RBFOX3: variants seen among roughly 807,000 people sequenced by gnomAD.
RBFOX3 encodes the protein RNA binding protein fox-1 homolog 3.
RBFOX3 carries 17 observed loss-of-function variants against 48.7 expected under a neutral mutation model. The observed-to-expected ratio is 0.35, with a 90% CI of 0.24 to 0.52. The LOEUF is 0.52. RBFOX3 is among the 20% of genes least tolerant of loss of function. RBFOX3 has a pLI of 0.94. For synonymous variants in RBFOX3, 212 were observed against 209.5 expected (o/e 1.01, Z -0.10); for missense variants, 382 against 497.5 (o/e 0.77, Z 2.21).
intron 1 of RBFOX3, among the ~76,000 whole-genome samples, chr17:79,578,542 G>C (rs1284712530): frequency 6.6e-6 from 1 of 152,212 alleles, no homozygotes; most frequent in Non-Finnish European, 1.5e-5. Flanking sequence ...TGAGGTGAAG[G>C]CCTGGACGGG....
At chr17:79,216,062 C>T (rs1319146053) in intron 4 of RBFOX3, among the ~76,000 whole-genome samples, 1 of 152,252 alleles carries the variant, frequency 6.6e-6, no homozygotes, top group South Asian at 2.1e-4. Flanking sequence ...CAAGCGTCCT[C>T]AGCCCAGCGG....
At chr17:79,096,447 G>A (rs893980954) in intron 12 of RBFOX3, among the ~76,000 whole-genome samples, 1 of 151,968 alleles carries the variant, frequency 6.6e-6, no homozygotes. Context: ...CTGCTCCCTT[G>A]ATGGGTACCA....
chr17:79,657,113 C>T, the RBFOX3 span, among the ~76,000 whole-genome samples: 20 of 152,016 alleles, frequency 1.3e-4, no homozygotes, highest in Non-Finnish European at 2.9e-4. Flanking sequence ...CCTTCAATGG[C>T]TCCCCCACTG....
At chr17:79,414,426 C>T (rs1397415791) in intron 2 of RBFOX3, among the ~76,000 whole-genome samples, 2 of 152,210 alleles carry the variant, frequency 1.3e-5, no homozygotes, top group Non-Finnish European at 2.9e-5. Context: ...TTAACACACA[C>T]AACTTCCCCA....
rs1311818331 is a variant in RBFOX3 at position 79,434,206 on chromosome 17, G to C, written c.-175+48248C>G. On this transcript the variant is annotated intron_variant, in intron 2 of 14. Coordinates refer to ENST00000693108, the MANE Select transcript of RBFOX3 (RefSeq NM_001350451.2). ...TGTTTGACCTCAGCTGGGACCACAT[G>C]CATCTGGCTACTGCAATTTTTTTGC... is the stretch of plus-strand genomic sequence containing the variant. 2.6e-5 allele frequency among the ~76,000 whole-genome samples: 4 copies of C among 152,198 alleles called. No homozygotes were observed. The East Asian group carries it at 5.8e-4, about 22-fold the overall frequency.
chr17:79,358,318 C>T (rs769095225), intron 2 of RBFOX3, among the ~76,000 whole-genome samples: 18 of 152,148 alleles, frequency 1.2e-4, no homozygotes, highest in Non-Finnish European at 2.2e-4. Context: ...CTAGAGCCGT[C>T]TTCCCCTCCC....
the RBFOX3 span, among the ~76,000 whole-genome samples, chr17:79,656,771 A>AG: frequency 7.6e-4 from 28 of 36,922 alleles, no homozygotes; most frequent in East Asian, 2.7e-3. Flanking sequence ...GGAAGGAAGG[A>AG]AGGAAGGAAA....
At chr17:79,179,341 C>T (rs1017977558) in intron 4 of RBFOX3, among the ~76,000 whole-genome samples, 11 of 152,214 alleles carry the variant, frequency 7.2e-5, no homozygotes, top group South Asian at 2.1e-4. Flanking sequence ...TGCTGGGCAC[C>T]GTGAAGCCGC....
Position 79,362,072 on chromosome 17 carries a change from G to C in RBFOX3, c.-174-54248C>G, listed in dbSNP as rs371733872. On this transcript the variant is annotated intron_variant, in intron 2 of 14. Transcript: ENST00000693108. The surrounding 1 kb of genome is among the most constrained non-coding windows in gnomAD (Gnocchi z 4.2). ...TGCGTATTTACTCAGTCATCAAAGC[G>C]CAAATGTGGTGGGTAACAGATCACT... Among the ~76,000 whole-genome samples, 1 of 152,136 alleles carries C rather than the reference G, an allele frequency of 6.6e-6. No homozygotes were observed. The highest frequency in any genetic ancestry group is 1.5e-5 in the Non-Finnish European group (1 of 68,038).
intron 1 of RBFOX3, among the ~76,000 whole-genome samples, chr17:79,491,864 G>A (rs777764410): frequency 1.3e-5 from 2 of 152,218 alleles, no homozygotes; most frequent in Non-Finnish European, 2.9e-5. Context: ...CAGATCACTT[G>A]AGGTCAGGAG....
chr17:79,494,944 G>A (rs2081221535), intron 1 of RBFOX3, among the ~76,000 whole-genome samples: 1 of 152,200 alleles, frequency 6.6e-6, no homozygotes, highest in Non-Finnish European at 1.5e-5. Flanking sequence ...CAGGGAGCTG[G>A]GCCCCGAGGA....
chr17:79,198,144 C>T lies in RBFOX3; in HGVS notation c.-34+37622G>A, dbSNP rs564264715. On this transcript the variant is annotated intron_variant, in intron 4 of 14. Coordinates refer to ENST00000693108, the MANE Select transcript of RBFOX3 (RefSeq NM_001350451.2). This position sits in a 1 kb window ranked among gnomAD's most constrained non-coding sequence, Gnocchi z 8.2. ...CATCCCGGAAGTGCTACGGTTGCAT[C>T]GTGTGGGGTGGGCTGTCATCCCGGA... Among the ~76,000 whole-genome samples, 2 of 152,104 alleles carry T rather than the reference C, an allele frequency of 1.3e-5. No homozygotes were observed. The highest frequency in any genetic ancestry group is 1.9e-4 in the East Asian group (1 of 5,158).
At chr17:79,336,675 A>C (rs7207088) in intron 2 of RBFOX3, among the ~76,000 whole-genome samples, 126,808 of 152,136 alleles carry the variant, frequency 0.83, 53,218 homozygotes, top group Non-Finnish European at 0.89. Context: ...CCCTGGCTCA[A>C]CCAAGGGCAG....
chr17:79,129,040 A>G (rs1252280660), intron 4 of RBFOX3, among the ~76,000 whole-genome samples: 2 of 152,048 alleles, frequency 1.3e-5, no homozygotes, highest in Non-Finnish European at 2.9e-5. Flanking sequence ...CGAGACCCTG[A>G]GCACAAGTGC....
intron 2 of RBFOX3, among the ~76,000 whole-genome samples, chr17:79,409,178 T>A (rs2148545492): frequency 6.6e-6 from 1 of 152,376 alleles, no homozygotes; most frequent in East Asian, 1.9e-4. Flanking sequence ...GTATCGGAAC[T>A]GAATTTCTTT....
In RBFOX3 at chr17:79,175,667, G is replaced by T. The variant is rs141043352; in HGVS notation, c.-33-59919C>A. On this transcript the variant is annotated intron_variant, in intron 4 of 14. Coordinates refer to ENST00000693108, the MANE Select transcript of RBFOX3 (RefSeq NM_001350451.2). ...CTGGACGAGCTCCCCAGGGTCAGAT[G>T]CTTGAAGCTGACTCACCACAGCTCA... Among the ~76,000 whole-genome samples the T allele has an allele frequency of 7.5e-3, 1,144 of 152,344 alleles. 14 individuals carry two copies. Among genetic ancestry groups the T allele is most frequent in the African/African-American group, 0.026 (1,099 of 41,578 alleles).
Position 79,239,909 on chromosome 17 carries a change from G to A in RBFOX3, c.-73-4104C>T, listed in dbSNP as rs543047186. ...TAATATTTGCTCTTGGGGAATCCCA[G>A]CCACGGATGTGCATTTATCCACCTG... On this transcript the variant is annotated intron_variant, in intron 3 of 14. Coordinates refer to ENST00000693108, the MANE Select transcript of RBFOX3 (RefSeq NM_001350451.2). Among the ~76,000 whole-genome samples, 22 of 152,368 alleles carry A rather than the reference G, an allele frequency of 1.4e-4. No individual in the cohort carries two copies. The South Asian group carries it at 3.1e-3, about 22-fold the overall frequency.
At chr17:79,283,232 C>A (rs1226137705) in intron 3 of RBFOX3, among the ~76,000 whole-genome samples, 1 of 151,308 alleles carries the variant, frequency 6.6e-6, no homozygotes, top group East Asian at 1.9e-4. Context: ...CAGAAGTCTG[C>A]CTGTGCTAAG....
chr17:79,389,720 C>T (rs2061090519), intron 2 of RBFOX3, among the ~76,000 whole-genome samples: 1 of 152,184 alleles, frequency 6.6e-6, no homozygotes, highest in Non-Finnish European at 1.5e-5. Context: ...CTGGGGAATG[C>T]CAGTACTTCC....
Sources: allele counts gnomAD v4.1 joint callset (sites outside exome capture counted in the v4.1 genomes callset), GRCh38; gene constraint gnomAD v4.1.1; non-coding constraint Gnocchi (gnomAD v3.1); transcripts MANE v1.5; gene names NCBI Gene and HGNC (gene_info 2026-07-23, HGNC 2026-07-21).